The following VSTM2A variants were observed in gnomAD, a reference collection of about 807,000 sequenced individuals.
VSTM2A encodes the protein V-set and transmembrane domain-containing protein 2A.
VSTM2A carries 13 observed loss-of-function variants against 27.3 expected under a neutral mutation model. The ratio of observed to expected loss-of-function variants is 0.48; its 90% CI spans 0.31 to 0.76. The LOEUF (loss-of-function observed/expected upper bound fraction) is 0.76, where lower values mean the gene tolerates loss of function less well. Ranked by LOEUF, VSTM2A falls within the 30% of genes least tolerant of loss-of-function variation. The probability of loss-of-function intolerance (pLI) is 0.05; values close to 1 mark genes in which losing one functional copy is unlikely to be tolerated. For synonymous variants in VSTM2A, 142 were observed against 125.7 expected (o/e 1.13, Z -0.87); for missense variants, 280 against 310.0 (o/e 0.90, Z 0.73).
At chr7:54,547,635 T>C (rs1018175918) in intron 3 of VSTM2A, among the ~76,000 whole-genome samples, 1 of 152,178 alleles carries the variant, frequency 6.6e-6, no homozygotes, top group African/African-American at 2.4e-5. Flanking sequence ...CTTATTTTTT[T>C]ACTATACCTC....
At chr7:54,545,841 G>A (rs1335186807) in intron 2 of VSTM2A, among the ~76,000 whole-genome samples, 5 of 123,416 alleles carry the variant, frequency 4.1e-5, no homozygotes, top group African/African-American at 1.6e-4. Context: ...AGGGGAGGGG[G>A]AAGGAAGAGA....
chr7:54,566,621 AG>A (rs1788731948), intron 4 of VSTM2A, among the ~76,000 whole-genome samples: 1 of 152,248 alleles, frequency 6.6e-6, no homozygotes, highest in Non-Finnish European at 1.5e-5. Flanking sequence ...AGAGAGCAAA[AG>A]AAACCAAATA....
At chr7:54,544,996 C>T (rs1787899463) in intron 2 of VSTM2A, among the ~76,000 whole-genome samples, 2 of 152,196 alleles carry the variant, frequency 1.3e-5, no homozygotes, top group African/African-American at 4.8e-5. Flanking sequence ...GTCCTGCTGC[C>T]CAGTTTCTTC....
At chr7:54,544,502 G>T in intron 1 of VSTM2A, 120 bp from the exon 2 acceptor site, 1 of 1,236,088 alleles carries the variant, frequency 8.1e-7, no homozygotes, top group Non-Finnish European at 1.2e-6. Context: ...CGAAGCCGAG[G>T]ATGTAAGAGA....
intron 4 of VSTM2A, among the ~76,000 whole-genome samples, chr7:54,555,805 T>C (rs983815122): frequency 2.6e-5 from 4 of 152,196 alleles, no homozygotes; most frequent in Admixed American, 6.5e-5. Flanking sequence ...TTTTCATAAT[T>C]AGATAATTTT....
Position 54,547,089 on chromosome 7 carries a change from G to A in VSTM2A, c.297+92G>A, listed in dbSNP as rs1042569641. On this transcript the variant is annotated intron_variant, in intron 3 of 4. Coordinates refer to ENST00000402613, the MANE Select transcript of VSTM2A (RefSeq NM_001301009.2). Reference sequence around the variant, plus strand: ...AGAAGGCGGCTTGCCAGCGCTGCAGGACAGCCGGACAGCCGGGTGCCCCTT... The same window carrying A: ...AGAAGGCGGCTTGCCAGCGCTGCAGAACAGCCGGACAGCCGGGTGCCCCTT... The A allele has an allele frequency of 5.1e-5, 72 of 1,409,966 alleles. No homozygotes were observed. In the South Asian group the frequency reaches 8.3e-4, roughly 16 times the overall value. The allele number at this position is 1,409,966 out of a possible 1,614,324, so 87.3% of individuals were successfully genotyped here. A position where few individuals can be genotyped will look rare whatever the true frequency, so the allele number is the denominator to read the frequency against.
chr7:54,563,259 CTG>C (rs1192904540), intron 4 of VSTM2A, among the ~76,000 whole-genome samples: 16 of 152,122 alleles, frequency 1.1e-4, no homozygotes, highest in Non-Finnish European at 4.4e-5. Context: ...CAAACAGAAA[CTG>C]GATTTGAGTC....
intron 4 of VSTM2A, among the ~76,000 whole-genome samples, chr7:54,567,388 T>C (rs904472525): frequency 2.0e-5 from 3 of 152,216 alleles, no homozygotes; most frequent in African/African-American, 2.4e-5. Flanking sequence ...TTTTTAGTTA[T>C]AATACTCATG....
At chr7:54,547,116 C>G in intron 3 of VSTM2A, 119 bp downstream of exon 3, 1 of 1,173,804 alleles carries the variant, frequency 8.5e-7, no homozygotes, top group African/African-American at 1.6e-5. Context: ...GTGCCCCTTG[C>G]TTGCCTCATT....
At position 54,542,709 on chromosome 7, in the gene VSTM2A, G is replaced by T; in HGVS notation, c.-22G>T. ...CTTTTCGGCTGTTGGCTACACTGAT[G>T]TGACCCCCCTCCCTTTTTGGAATGA... On this transcript the variant is annotated 5_prime_UTR_variant, in exon 1 of 5. An upstream start codon of the reference 5' UTR is lost. Transcript: ENST00000402613. 6.2e-7 allele frequency: 1 copy of T among 1,611,904 alleles called. No individual in the cohort carries two copies. The highest frequency in any genetic ancestry group is 8.5e-7 in the Non-Finnish European group (1 of 1,178,382).
intron 4 of VSTM2A, chr7:54,554,021 A>G (rs770609335): frequency 9.0e-6 from 14 of 1,552,812 alleles, no homozygotes; most frequent in East Asian, 2.4e-5. Context: ...CTCTTCCCCA[A>G]CCTGGCCATG....
At chr7:54,568,647 T>C (rs762882172) in intron 4 of VSTM2A, among the ~76,000 whole-genome samples, 4 of 151,582 alleles carry the variant, frequency 2.6e-5, no homozygotes, top group Middle Eastern at 3.5e-3. Context: ...TGTGGATTTA[T>C]GCTCATGCAG....
intron 4 of VSTM2A, among the ~76,000 whole-genome samples, chr7:54,555,431 T>G (rs1349732560): frequency 6.6e-6 from 1 of 152,238 alleles, no homozygotes; most frequent in Non-Finnish European, 1.5e-5. Context: ...GATATTTTGT[T>G]ACCTCTATGG....
intron 4 of VSTM2A, chr7:54,554,171 A>T: frequency 6.7e-7 from 1 of 1,501,856 alleles, no homozygotes; most frequent in Non-Finnish European, 8.9e-7. Flanking sequence ...CGTCCTTCCC[A>T]GTCTCTAGGC....
intron 3 of VSTM2A, 38 bp from the exon 4 acceptor site, chr7:54,549,796 G>A (rs1156990079): frequency 1.3e-6 from 2 of 1,517,544 alleles, no homozygotes; most frequent in South Asian, 1.3e-5. Context: ...ATCATTTGAT[G>A]TAGCACTTTA....
chr7:54,544,306 A>C (rs2115750830), intron 1 of VSTM2A, among the ~76,000 whole-genome samples: 1 of 152,326 alleles, frequency 6.6e-6, no homozygotes, highest in Non-Finnish European at 1.5e-5. Flanking sequence ...TCTCTCAGTA[A>C]ATGTTGTGGA....
chr7:54,557,495 G>A (rs925151056), intron 4 of VSTM2A, among the ~76,000 whole-genome samples: 14 of 151,672 alleles, frequency 9.2e-5, no homozygotes, highest in South Asian at 2.1e-4. Flanking sequence ...CACCACGCCC[G>A]GCTAATTTTT....
intron 4 of VSTM2A, among the ~76,000 whole-genome samples, chr7:54,562,276 A>G (rs1052870895): frequency 6.6e-6 from 1 of 152,206 alleles, no homozygotes; most frequent in Non-Finnish European, 1.5e-5. Context: ...AATTTACATA[A>G]GAAGATATGT....
intron 3 of VSTM2A, 116 bp from the exon 4 acceptor site, chr7:54,549,718 G>T (rs1788117601): frequency 1.1e-6 from 1 of 941,490 alleles, no homozygotes; most frequent in South Asian, 1.8e-5. Flanking sequence ...CCTTCACTAT[G>T]GCTATGGGGC....
Sources: allele counts gnomAD v4.1 joint callset (sites outside exome capture counted in the v4.1 genomes callset), GRCh38; gene constraint gnomAD v4.1.1; transcripts MANE v1.5; gene names NCBI Gene and HGNC (gene_info 2026-07-23, HGNC 2026-07-21).